SEMA4D: variants seen among roughly 807,000 people sequenced by gnomAD.
The protein encoded by SEMA4D is semaphorin-4D.
In SEMA4D, 22 loss-of-function variants were observed where a neutral mutation model predicts 74.8. The ratio of observed to expected loss-of-function variants is 0.29; its 90% CI spans 0.21 to 0.42. The LOEUF (loss-of-function observed/expected upper bound fraction) is 0.42. Among genes scored for constraint, SEMA4D ranks in the 10% least tolerant of loss-of-function variants. The pLI is 1.00. For missense variants in SEMA4D, 937 were observed against 1,118.4 expected, an observed-to-expected ratio of 0.84 and a Z score of 2.31; for synonymous variants, 445 against 463.7, an observed-to-expected ratio of 0.96 and a Z score of 0.52.
At chr9:89,363,806 C>T (rs201705752) in exon 17 of SEMA4D, 97 of 1,614,022 alleles carry the variant, frequency 6.0e-5, no homozygotes, top group Non-Finnish European at 7.0e-5. Context: ...GACAGAGCAG[C>T]GATACTCAGC....
chr9:89,455,781 G>C (rs1564851740), intron 2 of SEMA4D, 107 bp downstream of exon 2: 1 of 152,262 alleles, frequency 6.6e-6, no homozygotes, highest in Non-Finnish European at 1.5e-5. Flanking sequence ...ACAGTGAATG[G>C]GCATCGCTGC....
intron 16 of SEMA4D, among the ~76,000 whole-genome samples, chr9:89,366,883 C>T (rs1201077605): frequency 6.6e-6 from 1 of 152,158 alleles, no homozygotes; most frequent in East Asian, 1.9e-4. Flanking sequence ...ACAGGAGCCT[C>T]TGGAAGGTTC....
rs1227814388 is a variant in SEMA4D at position 89,377,512 on chromosome 9, C to CATG, written c.*1191_*1192insCAT. The CATG allele has an allele frequency of 6.5e-6, 1 of 154,110 alleles. No individual in the cohort carries two copies. The highest frequency in any genetic ancestry group is 1.4e-5 in the Non-Finnish European group (1 of 69,228). The allele number at this position is 154,110 out of a possible 1,614,324, so 9.5% of individuals were successfully genotyped here. ...GTGTTGAAATCGTACCACCCATTCA[C>CATG]ATCTTCAGGACAGTGGCAGGAACAG... On this transcript the variant is annotated 3_prime_UTR_variant, in exon 16 of 16. Transcript: ENST00000422704.
intron 2 of SEMA4D, 83 bp from the exon 3 acceptor site, chr9:89,405,782 C>G: frequency 7.7e-7 from 1 of 1,300,678 alleles, no homozygotes; most frequent in Non-Finnish European, 9.7e-7. Context: ...CTCTGCTTGC[C>G]CTGGATCCTC....
At chr9:89,460,780 C>T (rs1028639128) in intron 1 of SEMA4D, among the ~76,000 whole-genome samples, 3 of 152,254 alleles carry the variant, frequency 2.0e-5, no homozygotes, top group Admixed American at 2.0e-4. Context: ...CCAGGAGAAC[C>T]CATGCCCTCC....
downstream of SEMA4D, among the ~76,000 whole-genome samples, chr9:89,375,586 G>C (rs1428406079): frequency 1.3e-5 from 2 of 152,240 alleles, no homozygotes; most frequent in African/African-American, 4.8e-5. Context: ...GAGAGCAATT[G>C]GGTTTGCTTT....
intron 1 of SEMA4D, among the ~76,000 whole-genome samples, chr9:89,490,998 G>C (rs1391748381): frequency 6.6e-6 from 1 of 152,172 alleles, no homozygotes. Flanking sequence ...CCAAATCCTG[G>C]TCTATATCCT....
downstream of SEMA4D, among the ~76,000 whole-genome samples, chr9:89,372,803 G>A (rs190445123): frequency 6.6e-6 from 1 of 152,096 alleles, no homozygotes; most frequent in East Asian, 1.9e-4. Context: ...CCTGGGCACT[G>A]CAAAGGCATA....
chr9:89,461,922 C>T (rs1479710801), intron 1 of SEMA4D, among the ~76,000 whole-genome samples: 2 of 151,944 alleles, frequency 1.3e-5, no homozygotes, highest in Admixed American at 6.6e-5. Flanking sequence ...AGGCTGGTCT[C>T]GAACTCCTGA....
chr9:89,460,028 C>T (rs1021535946), intron 1 of SEMA4D, among the ~76,000 whole-genome samples: 11 of 152,352 alleles, frequency 7.2e-5, no homozygotes, highest in African/African-American at 1.7e-4. Flanking sequence ...CTAAGGCTCA[C>T]GATGCCCCCA....
At chr9:89,373,586 C>T (rs1383384018), downstream of SEMA4D, among the ~76,000 whole-genome samples, 1 of 152,222 alleles carries the variant, frequency 6.6e-6, no homozygotes, top group Non-Finnish European at 1.5e-5. Flanking sequence ...CGAATGTCCT[C>T]TTAAGTTTCA....
intron 2 of SEMA4D, among the ~76,000 whole-genome samples, chr9:89,412,470 C>A (rs1244782466): frequency 6.6e-6 from 1 of 152,202 alleles, no homozygotes; most frequent in East Asian, 1.9e-4. Context: ...TGCGGTTACT[C>A]AAACTGGTTA....
intron 1 of SEMA4D, among the ~76,000 whole-genome samples, chr9:89,469,595 AAC>A (rs1411452097): frequency 1.3e-5 from 2 of 152,250 alleles, no homozygotes; most frequent in East Asian, 1.9e-4. Flanking sequence ...TTGATTCCAA[AAC>A]ACAAGATTGA....
At chr9:89,409,354 G>A (rs971273088) in intron 2 of SEMA4D, among the ~76,000 whole-genome samples, 3 of 152,096 alleles carry the variant, frequency 2.0e-5, no homozygotes, top group African/African-American at 7.2e-5. Context: ...GCATTTGTCC[G>A]AGCCTACAGA....
chr9:89,401,944 G>A (rs1327704749), intron 4 of SEMA4D, among the ~76,000 whole-genome samples: 1 of 152,102 alleles, frequency 6.6e-6, no homozygotes, highest in East Asian at 1.9e-4. Context: ...CCGAGACTGA[G>A]GAGGAGGAAC....
intron 2 of SEMA4D, among the ~76,000 whole-genome samples, chr9:89,427,824 C>T (rs562966188): frequency 1.7e-3 from 258 of 152,304 alleles, no homozygotes; most frequent in African/African-American, 5.9e-3. Context: ...TGCGACGTGG[C>T]GGGTCACACG....
intron 1 of SEMA4D, among the ~76,000 whole-genome samples, chr9:89,488,231 TTGC>T (rs1262337124): frequency 4.6e-5 from 7 of 152,104 alleles, no homozygotes; most frequent in Non-Finnish European, 7.4e-5. Flanking sequence ...AAGAAGAGGC[TTGC>T]TGTTGTTGTT....
chr9:89,437,204 C>T (rs1166044323), intron 2 of SEMA4D, among the ~76,000 whole-genome samples: 3 of 152,212 alleles, frequency 2.0e-5, no homozygotes, highest in African/African-American at 4.8e-5. Context: ...TGCCCACCCC[C>T]ATGAGTGGCC....
downstream of SEMA4D, among the ~76,000 whole-genome samples, chr9:89,373,614 GCT>G (rs1835407474): frequency 1.3e-5 from 2 of 152,208 alleles, no homozygotes; most frequent in East Asian, 3.8e-4. Context: ...AAGACACTTT[GCT>G]AGCCCTTTAA....
Sources: gnomAD v4.1 joint callset for allele counts (sites outside exome capture counted in the v4.1 genomes callset) on GRCh38, gnomAD v4.1.1 for gene constraint, MANE v1.5 for transcripts, NCBI Gene and HGNC (gene_info 2026-07-23, HGNC 2026-07-21) for gene names.